Variants in PLA2G4E observed in about 807,000 individuals in gnomAD.
PLA2G4E encodes cytosolic phospholipase A2 epsilon.
PLA2G4E carries 84 observed loss-of-function variants against 109.1 expected under a neutral mutation model. That is an observed-to-expected ratio of 0.77 (90% CI 0.65 to 0.92). The LOEUF (loss-of-function observed/expected upper bound fraction) is 0.92. Among genes scored for constraint, PLA2G4E ranks in the 40% least tolerant of loss-of-function variants. The pLI is 0.00. For synonymous variants in PLA2G4E, 469 were observed against 436.1 expected (o/e 1.08, Z -0.94); for missense variants, 1,057 against 1,076.6 (o/e 0.98, Z 0.25).
Position 41,999,912 on chromosome 15 carries a change from C to T in PLA2G4E, c.936+5G>A, listed in dbSNP as rs371762772. The T allele has an allele frequency of 6.2e-7, 1 of 1,606,956 alleles. No homozygotes were observed. The highest frequency in any genetic ancestry group is 2.2e-5 in the East Asian group (1 of 44,630). On this transcript the variant is annotated splice_donor_5th_base_variant and intron_variant, in intron 9 of 19. Transcript: ENST00000399518. Reference sequence around the variant, plus strand: ...CAGGGGCCCTTCCCAGACTCAGGCACTCACCACAGGCAGGGTCATCACCTG... The same window carrying T: ...CAGGGGCCCTTCCCAGACTCAGGCATTCACCACAGGCAGGGTCATCACCTG...
intron 2 of PLA2G4E, among the ~76,000 whole-genome samples, chr15:42,011,824 G>A (rs1595568605): frequency 6.6e-6 from 1 of 152,232 alleles, no homozygotes; most frequent in Non-Finnish European, 1.5e-5. Flanking sequence ...GTTGTCCCAA[G>A]GATGAGGGTG....
rs1025771001 is a variant in PLA2G4E at position 42,050,422 on chromosome 15, C to G, written c.183+99G>C. On this transcript the variant is annotated intron_variant, in intron 1 of 19. Transcript: ENST00000399518. ...GAAAGAAATGAACAAAAACCACAACCTCTTAACTCTGCAGCAATGCAGGTG... is the reference window on the plus strand; with the variant it reads ...GAAAGAAATGAACAAAAACCACAACGTCTTAACTCTGCAGCAATGCAGGTG... The G allele has an allele frequency of 2.9e-6, 4 of 1,369,382 alleles. No homozygotes were observed. The Admixed American group carries it at 9.7e-5, about 33-fold the overall frequency. The allele number at this position is 1,369,382 out of a possible 1,614,324, so 84.8% of individuals were successfully genotyped here.
At chr15:41,995,653 C>T (rs2068327740) in intron 11 of PLA2G4E, among the ~76,000 whole-genome samples, 157 bp from the exon 12 acceptor site, 1 of 152,152 alleles carries the variant, frequency 6.6e-6, no homozygotes, top group Non-Finnish European at 1.5e-5. Flanking sequence ...ACCTGCCTTT[C>T]CACAGAGCAG....
chr15:42,003,534 C>T (rs942155220), intron 5 of PLA2G4E, among the ~76,000 whole-genome samples: 9 of 152,360 alleles, frequency 5.9e-5, no homozygotes, highest in South Asian at 4.1e-4. Context: ...GAGTTTTCCC[C>T]GCCCTCTAAA....
intron 17 of PLA2G4E, 148 bp from the exon 18 acceptor site, chr15:41,986,153 G>T (rs1294243525): frequency 1.4e-5 from 10 of 739,892 alleles, no homozygotes. Flanking sequence ...CCCTCTGGGT[G>T]GCTGAGGAAG....
chr15:42,027,191 C>G (rs748965925), intron 1 of PLA2G4E, among the ~76,000 whole-genome samples: 30 of 152,094 alleles, frequency 2.0e-4, no homozygotes, highest in Non-Finnish European at 4.3e-4. Context: ...CAGGAAGAGG[C>G]AGGAAACACT....
At chr15:42,000,990 C>G (rs1212313100) in intron 7 of PLA2G4E, among the ~76,000 whole-genome samples, 167 bp downstream of exon 7, 2 of 152,108 alleles carry the variant, frequency 1.3e-5, no homozygotes, top group Non-Finnish European at 2.9e-5. Flanking sequence ...GATGGGAGGC[C>G]AGGGGCTCAG....
chr15:42,038,667 C>T (rs985048334), intron 1 of PLA2G4E, among the ~76,000 whole-genome samples: 8 of 152,168 alleles, frequency 5.3e-5, no homozygotes, highest in Admixed American at 1.3e-4. Flanking sequence ...CAGTACGTAC[C>T]GTGAGCTTTC....
intron 12 of PLA2G4E, among the ~76,000 whole-genome samples, chr15:41,994,284 G>A (rs1385442041): frequency 8.4e-6 from 1 of 119,744 alleles, no homozygotes; most frequent in African/African-American, 3.2e-5. Context: ...GTCTCACCTG[G>A]GCTGGCGCCT....
At chr15:42,040,983 ATG>A (rs1889305295) in intron 1 of PLA2G4E, among the ~76,000 whole-genome samples, 1 of 152,204 alleles carries the variant, frequency 6.6e-6, no homozygotes, top group Non-Finnish European at 1.5e-5. Flanking sequence ...CAAAAAAGAG[ATG>A]CCACGTTTCA....
At chr15:42,035,307 G>A (rs1196887926) in intron 1 of PLA2G4E, among the ~76,000 whole-genome samples, 1 of 152,182 alleles carries the variant, frequency 6.6e-6, no homozygotes, top group Non-Finnish European at 1.5e-5. Context: ...TTACTGCCTT[G>A]GTGACATCCC....
chr15:41,989,935 CG>C (rs2068214815), intron 14 of PLA2G4E, among the ~76,000 whole-genome samples, 185 bp downstream of exon 14: 1 of 152,184 alleles, frequency 6.6e-6, no homozygotes, highest in Non-Finnish European at 1.5e-5. Flanking sequence ...CAGTGCCTGC[CG>C]GCCTCACCCA....
rs567696539 is a variant in PLA2G4E, at chr15:42,039,848, G to C, written c.183+10673C>G. 4.9e-4 allele frequency among the ~76,000 whole-genome samples: 74 copies of C among 152,118 alleles called. 1 individual carries two copies. Among genetic ancestry groups the C allele is most frequent in the African/African-American group, 1.7e-3 (71 of 41,484 alleles). The stretch of plus-strand genomic sequence containing the variant: ...TTGTTCTTAAATGGGAAAATAAAAT[G>C]ATCAATTCTTCCTAAATTGATCTAT... On this transcript the variant is annotated intron_variant, in intron 1 of 19. Transcript: ENST00000399518.
At chr15:41,991,315 C>T (rs1475726004) in intron 13 of PLA2G4E, among the ~76,000 whole-genome samples, 1 of 152,216 alleles carries the variant, frequency 6.6e-6, no homozygotes, top group African/African-American at 2.4e-5. Context: ...GCTTCCTCCT[C>T]ATCATATGCG....
At chr15:41,996,351 A>G (rs1321360939) in intron 11 of PLA2G4E, among the ~76,000 whole-genome samples, 1 of 4,070 alleles carries the variant, frequency 2.5e-4, no homozygotes, top group Non-Finnish European at 1.7e-3. Flanking sequence ...CTGTCTCAAG[A>G]AAAAAAAAAA....
intron 3 of PLA2G4E, 111 bp downstream of exon 3, chr15:42,007,618 C>G (rs1218835896): frequency 7.5e-7 from 1 of 1,333,420 alleles, no homozygotes; most frequent in East Asian, 2.5e-5. Flanking sequence ...AAGAAGTAGG[C>G]AGAAAGGAAA....
chr15:42,020,274 C>T (rs773302181), intron 1 of PLA2G4E, among the ~76,000 whole-genome samples: 2 of 152,220 alleles, frequency 1.3e-5, no homozygotes, highest in Non-Finnish European at 2.9e-5. Flanking sequence ...GTGCTGCCTT[C>T]GAGGAACCAA....
intron 1 of PLA2G4E, among the ~76,000 whole-genome samples, chr15:42,018,677 G>T (rs2068619228): frequency 1.3e-5 from 2 of 152,164 alleles, no homozygotes; most frequent in African/African-American, 4.8e-5. Context: ...AGCCAGGGGA[G>T]AGAGAGGGCC....
chr15:42,040,503 T>C (rs1448897600), intron 1 of PLA2G4E, among the ~76,000 whole-genome samples: 1 of 151,490 alleles, frequency 6.6e-6, no homozygotes, highest in Non-Finnish European at 1.5e-5. Flanking sequence ...TGAGATGCAA[T>C]AAAGGAAAAT....
Sources: allele counts gnomAD v4.1 joint callset (sites outside exome capture counted in the v4.1 genomes callset), GRCh38; gene constraint gnomAD v4.1.1; transcripts MANE v1.5; gene names NCBI Gene and HGNC (gene_info 2026-07-23, HGNC 2026-07-21).